TTC39B: variants seen among roughly 807,000 people sequenced by gnomAD.
The protein encoded by TTC39B is tetratricopeptide repeat protein 39B.
In TTC39B, 92 loss-of-function variants were observed where a neutral mutation model predicts 96.6. That is an observed-to-expected ratio of 0.95 (90% confidence interval 0.80 to 1.13). The LOEUF is 1.13. Among genes scored for constraint, TTC39B ranks in the 50% most tolerant of loss-of-function variants. The pLI, the probability that TTC39B is intolerant of heterozygous loss-of-function variation, is 0.00. For missense variants in TTC39B, 955 were observed against 809.3 expected, an observed-to-expected ratio of 1.18 and a Z score of -2.18; for synonymous variants, 367 against 299.4, an observed-to-expected ratio of 1.23 and a Z score of -2.33.
At chr9:15,224,286 C>T (rs1205254742) in intron 3 of TTC39B, 1 of 152,450 alleles carries the variant, frequency 6.6e-6, no homozygotes, top group Non-Finnish European at 1.5e-5. Context: ...CCACCTGTAT[C>T]CATGAAGACC....
intron 3 of TTC39B, among the ~76,000 whole-genome samples, chr9:15,214,478 G>T (rs1820401266): frequency 6.6e-6 from 1 of 152,062 alleles, no homozygotes; most frequent in Non-Finnish European, 1.5e-5. Context: ...GACCTCTACA[G>T]GTAATTAGAT....
intron 2 of TTC39B, among the ~76,000 whole-genome samples, chr9:15,241,805 G>A (rs986715510): frequency 9.3e-5 from 14 of 149,786 alleles, no homozygotes; most frequent in African/African-American, 3.5e-4. Context: ...TGCAGTAGTG[G>A]GATCTCAGCT....
At chr9:15,290,885 G>A (rs193196859) in intron 1 of TTC39B, among the ~76,000 whole-genome samples, 39 of 152,242 alleles carry the variant, frequency 2.6e-4, no homozygotes, top group Non-Finnish European at 4.6e-4. Flanking sequence ...CTTCCCAGGC[G>A]TATCCTCTAT....
rs140285680 is a variant in TTC39B, at chr9:15,177,283, T to A, written c.1841+414A>T. On this transcript the variant is annotated intron_variant, in intron 18 of 19. Coordinates refer to ENST00000512701, the Ensembl canonical transcript of TTC39B. Reference sequence around the variant, plus strand: ...AGGAGTTCCAGGCTGCAGTGAGCCATGATTGTACTACTTGCACTCCAGTCT... The same window carrying A: ...AGGAGTTCCAGGCTGCAGTGAGCCAAGATTGTACTACTTGCACTCCAGTCT... 9.9e-5 allele frequency among the ~76,000 whole-genome samples: 15 copies of A among 152,082 alleles called. No individual in the cohort carries two copies. In the East Asian group the frequency reaches 1.9e-3, roughly 20 times the overall value.
At chr9:15,188,658 A>G (rs542401939) in intron 13 of TTC39B, among the ~76,000 whole-genome samples, 12 of 152,348 alleles carry the variant, frequency 7.9e-5, no homozygotes, top group Non-Finnish European at 1.6e-4. Flanking sequence ...ACTAGGCAAT[A>G]TAAACTTAAA....
At chr9:15,179,196 G>T (rs1166608323) in intron 17 of TTC39B, among the ~76,000 whole-genome samples, 1 of 152,028 alleles carries the variant, frequency 6.6e-6, no homozygotes, top group Non-Finnish European at 1.5e-5. Flanking sequence ...AAATTTTTTT[G>T]CAAGTTACAG....
intron 6 of TTC39B, among the ~76,000 whole-genome samples, chr9:15,204,627 T>C (rs1016986620): frequency 6.6e-6 from 1 of 152,030 alleles, no homozygotes; most frequent in Admixed American, 6.5e-5. Flanking sequence ...GAAGGTATGG[T>C]AACCATGACA....
intron 1 of TTC39B, among the ~76,000 whole-genome samples, chr9:15,285,321 A>T (rs1823928304): frequency 6.6e-6 from 1 of 151,918 alleles, no homozygotes; most frequent in African/African-American, 2.4e-5. Context: ...TTGTTTGTTT[A>T]CTTTCAGTCT....
chr9:15,164,309 A>AG (rs1817481077), exon 20 of TTC39B: 1 of 152,254 alleles, frequency 6.6e-6, no homozygotes, highest in African/African-American at 2.4e-5. Flanking sequence ...ACATACAGGT[A>AG]GCTTTTATGA....
chr9:15,220,273 T>C (rs1358406180), intron 3 of TTC39B, among the ~76,000 whole-genome samples: 3 of 152,188 alleles, frequency 2.0e-5, no homozygotes, highest in Non-Finnish European at 4.4e-5. Context: ...TTGATTCAGC[T>C]GTGTGGAGTC....
At chr9:15,166,753 A>T (rs2057479) in exon 20 of TTC39B, 123,355 of 151,308 alleles carry the variant, frequency 0.82, 50,952 homozygotes, top group East Asian at 0.96. Flanking sequence ...AGGAAGGACT[A>T]GGATAAGAAA....
intron 6 of TTC39B, among the ~76,000 whole-genome samples, chr9:15,209,415 T>G (rs981135978): frequency 2.0e-5 from 3 of 152,174 alleles, no homozygotes; most frequent in Admixed American, 6.5e-5. Context: ...CTGTGAAACA[T>G]TATCATTTTT....
intron 3 of TTC39B, among the ~76,000 whole-genome samples, chr9:15,216,963 C>G (rs1820554450): frequency 6.6e-6 from 1 of 151,974 alleles, no homozygotes; most frequent in Non-Finnish European, 1.5e-5. Flanking sequence ...AGGAGAAGGC[C>G]CAACATTACT....
chr9:15,272,333 G>A (rs1823385816), intron 1 of TTC39B, among the ~76,000 whole-genome samples: 3 of 152,178 alleles, frequency 2.0e-5, no homozygotes, highest in Non-Finnish European at 4.4e-5. Flanking sequence ...CTCCTCCAGT[G>A]TTGGTTTCCC....
At chr9:15,271,962 C>G (rs1411790464) in intron 1 of TTC39B, among the ~76,000 whole-genome samples, 1 of 152,164 alleles carries the variant, frequency 6.6e-6, no homozygotes, top group African/African-American at 2.4e-5. Flanking sequence ...CCAGCAAATA[C>G]AGTTTCCTGC....
At chr9:15,214,731 G>A (rs1004106160) in intron 3 of TTC39B, among the ~76,000 whole-genome samples, 6 of 152,084 alleles carry the variant, frequency 3.9e-5, no homozygotes, top group Non-Finnish European at 7.4e-5. Context: ...TCTGCCAAAT[G>A]TCCTCATCTA....
chr9:15,209,073 T>C (rs1490956857), intron 6 of TTC39B, among the ~76,000 whole-genome samples: 1 of 152,204 alleles, frequency 6.6e-6, no homozygotes, highest in Non-Finnish European at 1.5e-5. Flanking sequence ...GTGTTACCTC[T>C]TCAGAGAACA....
chr9:15,236,164 G>A (rs568237024), intron 2 of TTC39B, among the ~76,000 whole-genome samples: 18 of 152,288 alleles, frequency 1.2e-4, no homozygotes, highest in South Asian at 4.1e-4. Context: ...GAGCAGGAGT[G>A]ACTATTCTCA....
intron 6 of TTC39B, among the ~76,000 whole-genome samples, chr9:15,204,151 G>A (rs1233743413): frequency 1.3e-5 from 2 of 152,130 alleles, no homozygotes; most frequent in African/African-American, 2.4e-5. Flanking sequence ...TATCAGAGAC[G>A]CAAACTCAAC....
Sources: allele counts gnomAD v4.1 joint callset (sites outside exome capture counted in the v4.1 genomes callset), GRCh38; gene constraint gnomAD v4.1.1; transcripts MANE v1.5; gene names NCBI Gene and HGNC (gene_info 2026-07-23, HGNC 2026-07-21).